SLC38A1: variants seen among roughly 807,000 people sequenced by gnomAD.
The protein encoded by SLC38A1 is solute carrier family 38 member 1.
Under a neutral mutation model 60.3 loss-of-function variants are expected in SLC38A1, and 18 were observed. The observed-to-expected ratio is 0.30, with a 90% CI of 0.21 to 0.44. SLC38A1 has a LOEUF of 0.44. SLC38A1 is among the 20% of genes least tolerant of loss of function. The pLI is 1.00. For synonymous variants in SLC38A1, 196 were observed against 212.1 expected (o/e 0.92, Z 0.66); for missense variants, 448 against 587.2 (o/e 0.76, Z 2.45).
intron 1 of SLC38A1, among the ~76,000 whole-genome samples, chr12:46,260,852 G>A (rs924504399): frequency 2.0e-5 from 3 of 151,968 alleles, no homozygotes; most frequent in African/African-American, 7.3e-5. Flanking sequence ...TCTCCGCCAC[G>A]CTACCTCCTG....
At position 46,268,927 on chromosome 12, in the gene SLC38A1, G is replaced by A. The variant is rs766949289; in HGVS notation, c.-610C>T. The stretch of plus-strand genomic sequence containing the variant: ...TCATTCTCCTACTGGGGGACGCGTG[G>A]CCCTTCCGCAACCATGGCTTGTGAT... On this transcript the variant is annotated 5_prime_UTR_variant, in exon 1 of 17. Transcript: ENST00000398637. The surrounding 1 kb of genome is among the most constrained non-coding windows in gnomAD (Gnocchi z 4.4). The A allele has an allele frequency of 2.2e-6, 1 of 455,064 alleles. No individual in the cohort carries two copies. Among genetic ancestry groups the A allele is most frequent in the Admixed American group, 2.4e-5 (1 of 42,464 alleles). The allele number at this position is 455,064 out of a possible 1,614,324, so 28.2% of individuals were successfully genotyped here.
chr12:46,220,869 G>A (rs1430794008), intron 5 of SLC38A1, among the ~76,000 whole-genome samples: 2 of 152,174 alleles, frequency 1.3e-5, no homozygotes, highest in Admixed American at 1.3e-4. Context: ...GATAGAATGA[G>A]AAGACTATTT....
At position 46,239,867 on chromosome 12, in the gene SLC38A1, A is replaced by C. The variant is rs912353660; in HGVS notation, c.-67T>G. ...TCCTGTTCTGAGTGTATTTAGAAGTAGATACCAAAATGGAAGCTTGACACC... is the reference window on the plus strand; with the variant it reads ...TCCTGTTCTGAGTGTATTTAGAAGTCGATACCAAAATGGAAGCTTGACACC... On this transcript the variant is annotated 5_prime_UTR_variant, in exon 3 of 17. Coordinates refer to ENST00000398637, the MANE Select transcript of SLC38A1 (RefSeq NM_030674.4). The C allele has an allele frequency of 5.4e-5, 84 of 1,545,970 alleles. No homozygotes were observed. Among genetic ancestry groups the C allele is most frequent in the Non-Finnish European group, 7.2e-5 (81 of 1,130,094 alleles).
intron 3 of SLC38A1, among the ~76,000 whole-genome samples, chr12:46,234,855 T>TA (rs1173715266): frequency 6.6e-6 from 1 of 152,216 alleles, no homozygotes; most frequent in African/African-American, 2.4e-5. Context: ...ACTTGCTTGT[T>TA]AAAAAACACG....
intron 5 of SLC38A1, among the ~76,000 whole-genome samples, chr12:46,227,124 GA>G (rs60584895): frequency 6.6e-6 from 1 of 151,286 alleles, no homozygotes; most frequent in South Asian, 2.1e-4. Flanking sequence ...CTTCACAACA[GA>G]AAAAAGCTAG....
chr12:46,264,644 T>C (rs1007270141), intron 1 of SLC38A1, among the ~76,000 whole-genome samples: 1 of 152,172 alleles, frequency 6.6e-6, no homozygotes, highest in African/African-American at 2.4e-5. Context: ...GATTTTGGGG[T>C]ATCAGTGATT....
intron 3 of SLC38A1, among the ~76,000 whole-genome samples, chr12:46,236,048 G>A (rs767135974): frequency 5.3e-5 from 8 of 152,158 alleles, no homozygotes; most frequent in Non-Finnish European, 7.3e-5. Context: ...CATTTTTACC[G>A]ATAGACTTTT....
intron 1 of SLC38A1, among the ~76,000 whole-genome samples, chr12:46,267,988 C>A (rs1430215308): frequency 6.6e-6 from 1 of 152,200 alleles, no homozygotes; most frequent in Non-Finnish European, 1.5e-5. Flanking sequence ...GGAAGGACGG[C>A]AAACATGCCC....
rs1473018728 is a variant in SLC38A1, at chr12:46,268,685, G to A, written c.-368C>T. 2 of 288,366 alleles carry A rather than the reference G, an allele frequency of 6.9e-6. No individual in the cohort carries two copies. Among genetic ancestry groups the A allele is most frequent in the Non-Finnish European group, 1.5e-5 (2 of 135,002 alleles). The allele number at this position is 288,366 out of a possible 1,614,324, so 17.9% of individuals were successfully genotyped here. A position where few individuals can be genotyped will look rare whatever the true frequency, so the allele number is the denominator to read the frequency against. On this transcript the variant is annotated 5_prime_UTR_variant, in exon 1 of 17. It adds an upstream start codon to the 5' untranslated region. Transcript: ENST00000398637. This position sits in a 1 kb window ranked among gnomAD's most constrained non-coding sequence, Gnocchi z 4.4. Reference sequence around the variant, plus strand: ...GTAAGGGTTGGGCAGGGAGCTTGGCGTGGCCTGGCGGATTTCGGAGGAAGG... The same window carrying A: ...GTAAGGGTTGGGCAGGGAGCTTGGCATGGCCTGGCGGATTTCGGAGGAAGG...
intron 1 of SLC38A1, among the ~76,000 whole-genome samples, chr12:46,251,593 A>G (rs1403163551): frequency 2.0e-5 from 3 of 152,232 alleles, no homozygotes; most frequent in Non-Finnish European, 4.4e-5. Context: ...CCCATCTGAC[A>G]AAGGGCTCAT....
intron 2 of SLC38A1, among the ~76,000 whole-genome samples, chr12:46,242,410 A>G (rs915832294): frequency 6.6e-6 from 1 of 152,190 alleles, no homozygotes; most frequent in African/African-American, 2.4e-5. Context: ...AAATGCAGGG[A>G]TCTCAGGCAG....
chr12:46,234,454 T>C (rs1216561782), intron 3 of SLC38A1, among the ~76,000 whole-genome samples: 2 of 151,102 alleles, frequency 1.3e-5, no homozygotes, highest in African/African-American at 4.9e-5. Flanking sequence ...TTCTTTTTTT[T>C]TTTTTTTTGT....
intron 11 of SLC38A1, among the ~76,000 whole-genome samples, chr12:46,203,707 G>A (rs1227225892): frequency 2.0e-5 from 3 of 152,220 alleles, no homozygotes; most frequent in Admixed American, 6.5e-5. Context: ...GCAAAAAGAA[G>A]TGAAAACTAA....
intron 1 of SLC38A1, among the ~76,000 whole-genome samples, chr12:46,266,260 A>G (rs1942348962): frequency 6.6e-6 from 1 of 152,204 alleles, no homozygotes; most frequent in African/African-American, 2.4e-5. Flanking sequence ...AGAGTAAAGA[A>G]AAGAGTAGCA....
chr12:46,186,727 G>T lies in SLC38A1; in HGVS notation c.*2243C>A, dbSNP rs1051829419. On this transcript the variant is annotated 3_prime_UTR_variant, in exon 17 of 17. Transcript: ENST00000398637. Reference sequence around the variant, plus strand: ...AATCTATTTTAAATAAATATTCCTTGTATTGACACATGAAACCCAGAGGCC... The same window carrying T: ...AATCTATTTTAAATAAATATTCCTTTTATTGACACATGAAACCCAGAGGCC... 10 of 152,116 alleles carry T rather than the reference G, an allele frequency of 6.6e-5. No homozygotes were observed. Among genetic ancestry groups the T allele is most frequent in the African/African-American group, 2.4e-4 (10 of 41,420 alleles). 9.4% of individuals were successfully genotyped at this position (152,116 alleles called of 1,614,324 possible).
intron 1 of SLC38A1, among the ~76,000 whole-genome samples, chr12:46,257,508 C>T (rs564290264): frequency 6.6e-6 from 1 of 152,290 alleles, no homozygotes; most frequent in East Asian, 1.9e-4. Flanking sequence ...CCAGGTACCC[C>T]ACCACTTACC....
intron 11 of SLC38A1, among the ~76,000 whole-genome samples, 196 bp downstream of exon 11, chr12:46,204,105 A>G (rs934104860): frequency 6.6e-6 from 1 of 152,218 alleles, no homozygotes; most frequent in Non-Finnish European, 1.5e-5. Flanking sequence ...GAGAATGCTT[A>G]ATGGTAAGAG....
At chr12:46,209,922 C>T (rs1940076835) in intron 5 of SLC38A1, among the ~76,000 whole-genome samples, 1 of 151,930 alleles carries the variant, frequency 6.6e-6, no homozygotes, top group Non-Finnish European at 1.5e-5. Context: ...AAAATAAAGC[C>T]TATTTATTAA....
intron 4 of SLC38A1, 130 bp downstream of exon 4, chr12:46,229,434 A>G (rs903649965): frequency 5.1e-5 from 42 of 817,920 alleles, no homozygotes; most frequent in Non-Finnish European, 7.4e-5. Flanking sequence ...GAGAAAATAC[A>G]TAAGGTATGA....
Sources: gnomAD v4.1 joint callset for allele counts (sites outside exome capture counted in the v4.1 genomes callset) on GRCh38, gnomAD v4.1.1 for gene constraint, Gnocchi (gnomAD v3.1) non-coding constraint, MANE v1.5 for transcripts, NCBI Gene and HGNC (gene_info 2026-07-23, HGNC 2026-07-21) for gene names.